Variants in ARL14EPL observed in about 807,000 individuals in gnomAD.
The protein encoded by ARL14EPL is ARL14 effector protein-like.
A neutral mutation model predicts 15.9 loss-of-function variants in ARL14EPL; 17 were observed. The observed-to-expected ratio is 1.07, with a 90% confidence interval of 0.73 to 1.60. The LOEUF (loss-of-function observed/expected upper bound fraction) is 1.60, where lower values mean the gene tolerates loss of function less well. Among genes scored for constraint, ARL14EPL ranks in the 40% most tolerant of loss-of-function variants. The pLI is 0.00. For synonymous variants in ARL14EPL, 78 were observed against 63.8 expected (o/e 1.22, Z -1.06); for missense variants, 214 against 185.9 (o/e 1.15, Z -0.88).
chr5:116,047,776 AGGG>A (rs386691431), intron 1 of ARL14EPL, among the ~76,000 whole-genome samples: 20,863 of 151,800 alleles, frequency 0.14, 1,516 homozygotes, highest in Middle Eastern at 0.16. Flanking sequence ...CTACACAGAT[AGGG>A]TGGAGGAAAA....
chr5:116,058,311 T>A (rs1268734369), intron 3 of ARL14EPL, among the ~76,000 whole-genome samples: 2 of 152,158 alleles, frequency 1.3e-5, no homozygotes, highest in South Asian at 2.1e-4. Context: ...AAGAAAAAAA[T>A]AATCTGTTAG....
chr5:116,051,234 A>AT, intron 1 of ARL14EPL: 1 of 462,974 alleles, frequency 2.2e-6, no homozygotes, highest in Non-Finnish European at 3.8e-6. Flanking sequence ...GGTACTATTG[A>AT]TTTTCTCCTG....
intron 1 of ARL14EPL, among the ~76,000 whole-genome samples, chr5:116,045,778 G>A (rs1489386356): frequency 2.3e-5 from 3 of 127,806 alleles, no homozygotes; most frequent in Non-Finnish European, 5.2e-5. Context: ...GTGTGTGTGT[G>A]TGTATGTGTA....
At chr5:116,040,524 C>T (rs180928406) in intron 1 of ARL14EPL, among the ~76,000 whole-genome samples, 44 of 151,240 alleles carry the variant, frequency 2.9e-4, no homozygotes, top group African/African-American at 9.0e-4. Flanking sequence ...AGGACTGGGA[C>T]GTAGTGGACG....
In ARL14EPL at chr5:116,058,957, T is replaced by C; in HGVS notation, c.*10T>C. ...TAATGTTCCTGACTAGGTGCTCTTG[T>C]ATATGGACTGATTTGTTTCTTCTTC... is the stretch of plus-strand genomic sequence containing the variant. On this transcript the variant is annotated 3_prime_UTR_variant, in exon 4 of 4. Transcript: ENST00000686077. 6.5e-7 allele frequency: 1 copy of C among 1,531,764 alleles called. No individual in the cohort carries two copies. Among genetic ancestry groups the C allele is most frequent in the Non-Finnish European group, 8.7e-7 (1 of 1,143,100 alleles). The allele number at this position is 1,531,764 out of a possible 1,614,324, so 94.9% of individuals were successfully genotyped here.
At chr5:116,056,654 A>C (rs1749524899) in intron 3 of ARL14EPL, among the ~76,000 whole-genome samples, 1 of 152,180 alleles carries the variant, frequency 6.6e-6, no homozygotes, top group South Asian at 2.1e-4. Context: ...TAGTTTAATT[A>C]GATCCCATTT....
At chr5:116,040,849 C>T (rs7716350) in intron 1 of ARL14EPL, among the ~76,000 whole-genome samples, 65,590 of 145,630 alleles carry the variant, frequency 0.45, 15,521 homozygotes, top group East Asian at 0.52. Context: ...GGCGTGGTGG[C>T]GGGCGCCTGT....
intron 1 of ARL14EPL, among the ~76,000 whole-genome samples, chr5:116,038,706 G>A (rs753932444): frequency 6.6e-6 from 1 of 151,956 alleles, no homozygotes; most frequent in Non-Finnish European, 1.5e-5. Flanking sequence ...AACATGGGGT[G>A]GGGAGGGCGG....
chr5:116,038,182 C>T (rs1008508896), intron 1 of ARL14EPL, among the ~76,000 whole-genome samples: 1 of 152,140 alleles, frequency 6.6e-6, no homozygotes, highest in African/African-American at 2.4e-5. Context: ...TTGATCCTTT[C>T]TATTAGTGGG....
intron 2 of ARL14EPL, chr5:116,052,123 A>G (rs1001334547): frequency 1.9e-6 from 3 of 1,612,628 alleles, no homozygotes; most frequent in African/African-American, 2.7e-5. Flanking sequence ...AGAGTTTGTC[A>G]TAGGTAGCTT....
chr5:116,037,739 G>A (rs768361713), intron 1 of ARL14EPL, among the ~76,000 whole-genome samples: 1 of 152,102 alleles, frequency 6.6e-6, no homozygotes, highest in Non-Finnish European at 1.5e-5. Context: ...GCTTATTACA[G>A]GAAATGGGTA....
At chr5:116,050,806 C>CTCTT (rs1749358159) in intron 1 of ARL14EPL, among the ~76,000 whole-genome samples, 1 of 137,876 alleles carries the variant, frequency 7.3e-6, no homozygotes, top group Non-Finnish European at 1.5e-5. Context: ...CTCTCTCTCT[C>CTCTT]TCTCTCTCTT....
At chr5:116,046,343 T>A (rs1749267478) in intron 1 of ARL14EPL, among the ~76,000 whole-genome samples, 1 of 152,168 alleles carries the variant, frequency 6.6e-6, no homozygotes, top group African/African-American at 2.4e-5. Flanking sequence ...ATAGGGGTAA[T>A]GATGGAAAAA....
intron 1 of ARL14EPL, among the ~76,000 whole-genome samples, chr5:116,045,424 G>A (rs770767566): frequency 2.6e-5 from 4 of 152,148 alleles, no homozygotes; most frequent in Non-Finnish European, 5.9e-5. Context: ...ATTGGTGGAG[G>A]GGGGTAAACA....
intron 1 of ARL14EPL, among the ~76,000 whole-genome samples, chr5:116,034,535 AC>A (rs943620146): frequency 5.3e-5 from 8 of 152,078 alleles, no homozygotes; most frequent in Non-Finnish European, 1.0e-4. Context: ...CCCAACACAT[AC>A]CCCCATTTTT....
intron 2 of ARL14EPL, chr5:116,051,774 C>T: frequency 1.4e-6 from 1 of 723,410 alleles, no homozygotes; most frequent in Non-Finnish European, 2.2e-6. Flanking sequence ...CCTGTGTACC[C>T]TGATTTTTAG....
At chr5:116,032,789 G>T (rs1748982308) in intron 1 of ARL14EPL, among the ~76,000 whole-genome samples, 1 of 152,018 alleles carries the variant, frequency 6.6e-6, no homozygotes, top group Non-Finnish European at 1.5e-5. Flanking sequence ...GTTTTTTGTT[G>T]TGGTGGTTTT....
intron 1 of ARL14EPL, among the ~76,000 whole-genome samples, chr5:116,048,184 T>C (rs1749308615): frequency 6.6e-6 from 1 of 152,202 alleles, no homozygotes; most frequent in Admixed American, 6.5e-5. Context: ...TATGGGTCTT[T>C]CATAGGCAAT....
chr5:116,051,524 T>C lies in ARL14EPL; in HGVS notation c.59T>C (p.Phe20Ser). 1 of 1,535,620 alleles carries C rather than the reference T, an allele frequency of 6.5e-7. No individual in the cohort carries two copies. The highest frequency in any genetic ancestry group is 1.2e-5 in the South Asian group (1 of 84,032). Residue 20 changes from phenylalanine (F) to serine (S), a missense_variant, in exon 2 of 4, where the codon TTT becomes TCT. Coordinates refer to ENST00000686077, the MANE Select transcript of ARL14EPL (RefSeq NM_001195581.2). Reference sequence around the variant, plus strand: ...CAAGAGAGACACACAGATCATAGTTTTCCTGAGAAGAACTGTCAAATTGGA... The same window carrying C: ...CAAGAGAGACACACAGATCATAGTTCTCCTGAGAAGAACTGTCAAATTGGA... ...SIQERHTDHS[F>S]PEKNCQIGQK...
Sources: allele counts gnomAD v4.1 joint callset (sites outside exome capture counted in the v4.1 genomes callset), GRCh38; gene constraint gnomAD v4.1.1; transcripts MANE v1.5; gene names NCBI Gene and HGNC (gene_info 2026-07-23, HGNC 2026-07-21).